Variants in ORC5 observed in about 807,000 individuals in gnomAD.
The protein encoded by ORC5 is protein phosphatase 1, regulatory subunit 117.
A neutral mutation model predicts 58.8 loss-of-function variants in ORC5; 39 were observed. That is an observed-to-expected ratio of 0.66 (90% CI 0.51 to 0.87). The LOEUF (loss-of-function observed/expected upper bound fraction) is 0.87. Ranked by LOEUF, ORC5 falls within the 40% of genes least tolerant of loss-of-function variation. The pLI is 0.00. For synonymous variants in ORC5, 218 were observed against 177.6 expected (o/e 1.23, Z -1.81); for missense variants, 493 against 506.3 (o/e 0.97, Z 0.25).
chr7:104,201,760 A>C (rs1799949684), intron 2 of ORC5, among the ~76,000 whole-genome samples: 1 of 151,510 alleles, frequency 6.6e-6, no homozygotes, highest in East Asian at 1.9e-4. Context: ...AAAGAATTTT[A>C]AGAGTTAGAA....
intron 12 of ORC5, among the ~76,000 whole-genome samples, chr7:104,148,928 G>GT (rs1334908510): frequency 6.6e-6 from 1 of 152,052 alleles, no homozygotes; most frequent in Non-Finnish European, 1.5e-5. Flanking sequence ...CAGCTATTTG[G>GT]GAGGCTGAGG....
chr7:104,168,419 G>C, intron 9 of ORC5, 54 bp downstream of exon 9: 1 of 1,589,846 alleles, frequency 6.3e-7, no homozygotes, highest in Non-Finnish European at 8.6e-7. Flanking sequence ...TTAGTATCTT[G>C]ATAATTAGCT....
chr7:104,164,206 G>T (rs533139371), intron 11 of ORC5, among the ~76,000 whole-genome samples: 40 of 152,114 alleles, frequency 2.6e-4, no homozygotes, highest in Non-Finnish European at 4.9e-4. Flanking sequence ...GATCATTTGA[G>T]ACCAGCCTCG....
intron 4 of ORC5, 27 bp downstream of exon 4, chr7:104,197,698 G>A: frequency 2.7e-6 from 4 of 1,503,024 alleles, no homozygotes; most frequent in Non-Finnish European, 3.7e-6. Flanking sequence ...AAGTTGTGGG[G>A]AGAAAGCACT....
At chr7:104,180,078 T>A (rs1799403322) in intron 8 of ORC5, among the ~76,000 whole-genome samples, 1 of 152,180 alleles carries the variant, frequency 6.6e-6, no homozygotes, top group Admixed American at 6.5e-5. Flanking sequence ...ACCAGAAAAG[T>A]TCCCATGCTG....
At chr7:104,163,118 G>C (rs943174378) in intron 11 of ORC5, among the ~76,000 whole-genome samples, 20 of 152,016 alleles carry the variant, frequency 1.3e-4, no homozygotes, top group African/African-American at 4.8e-4. Flanking sequence ...ATTTCTCCTT[G>C]TGCACATGTG....
intron 3 of ORC5, among the ~76,000 whole-genome samples, chr7:104,199,183 G>GA (rs1461181425): frequency 6.6e-6 from 1 of 151,756 alleles, no homozygotes; most frequent in African/African-American, 2.4e-5. Flanking sequence ...GTCCCCACTG[G>GA]GCACTGCCTA....
At position 104,155,176 on chromosome 7, in the gene ORC5, G is replaced by C. The variant is rs191882681; in HGVS notation, c.1149+5896C>G. Reference sequence around the variant, plus strand: ...TTCATGACCAATAAGTTAAATCGATGTAACAAATAACTCCAAGTGTATCCA... The same window carrying C: ...TTCATGACCAATAAGTTAAATCGATCTAACAAATAACTCCAAGTGTATCCA... On this transcript the variant is annotated intron_variant, in intron 12 of 13. Transcript: ENST00000297431. Among the ~76,000 whole-genome samples the C allele has an allele frequency of 1.2e-3, 179 of 151,840 alleles. 1 individual carries two copies. The highest frequency in any genetic ancestry group is 1.5e-3 in the East Asian group (8 of 5,180).
At chr7:104,158,670 T>C (rs1444557109) in intron 12 of ORC5, among the ~76,000 whole-genome samples, 4 of 151,876 alleles carry the variant, frequency 2.6e-5, no homozygotes, top group African/African-American at 9.7e-5. Flanking sequence ...GGGCGAAGGA[T>C]ATGAACAGAC....
chr7:104,206,627 C>G (rs1800091374), intron 1 of ORC5, among the ~76,000 whole-genome samples: 1 of 152,208 alleles, frequency 6.6e-6, no homozygotes, highest in Non-Finnish European at 1.5e-5. Flanking sequence ...CCCCTTTAGA[C>G]AGAGGGTAGT....
intron 9 of ORC5, among the ~76,000 whole-genome samples, chr7:104,167,409 T>C (rs1201183900): frequency 1.3e-5 from 2 of 152,216 alleles, no homozygotes. Flanking sequence ...TCTGAGCTTA[T>C]GTCAGCACTC....
At chr7:104,150,507 G>A (rs1798826576) in intron 12 of ORC5, among the ~76,000 whole-genome samples, 1 of 150,514 alleles carries the variant, frequency 6.6e-6, no homozygotes, top group East Asian at 1.9e-4. Context: ...TATCATCAAA[G>A]CAGTTCAACT....
Position 104,184,214 on chromosome 7 carries a change from C to T in ORC5, c.685-43G>A, listed in dbSNP as rs200547080. ...AAAAGAGAAGAAAAAAAGCACTGAT[C>T]GATCACAATTAGAAATTTATTTTTC... is the stretch of plus-strand genomic sequence containing the variant. On this transcript the variant is annotated intron_variant, in intron 6 of 13. Transcript: ENST00000297431. 2.6e-4 allele frequency: 312 copies of T among 1,202,456 alleles called. 1 individual carries two copies. The African/African-American group carries it at 4.1e-3, about 16-fold the overall frequency. 74.5% of individuals were successfully genotyped at this position (1,202,456 alleles called of 1,614,324 possible).
intron 6 of ORC5, chr7:104,187,767 A>C (rs1417804642): frequency 1.0e-6 from 1 of 980,036 alleles, no homozygotes; most frequent in Non-Finnish European, 1.2e-6. Flanking sequence ...TTACCAGCTC[A>C]GGGTCAGTGG....
At chr7:104,132,660 C>T (rs1430669052) in intron 13 of ORC5, among the ~76,000 whole-genome samples, 1 of 152,174 alleles carries the variant, frequency 6.6e-6, no homozygotes, top group Non-Finnish European at 1.5e-5. Flanking sequence ...AAGTTTAAAG[C>T]ACTGTGCTAG....
chr7:104,192,629 T>G (rs1297604765), intron 5 of ORC5, among the ~76,000 whole-genome samples: 1 of 151,806 alleles, frequency 6.6e-6, no homozygotes, highest in Non-Finnish European at 1.5e-5. Context: ...TGTCTATAAT[T>G]CTATCAAAAA....
intron 6 of ORC5, 168 bp downstream of exon 6, chr7:104,188,083 G>T (rs1042440579): frequency 6.3e-6 from 6 of 955,410 alleles, no homozygotes; most frequent in Non-Finnish European, 8.4e-6. Context: ...CTTATGGTAT[G>T]TTAGTCTCTA....
At chr7:104,155,214 A>G (rs1227009696) in intron 12 of ORC5, among the ~76,000 whole-genome samples, 1 of 151,790 alleles carries the variant, frequency 6.6e-6, no homozygotes, top group Non-Finnish European at 1.5e-5. Context: ...GTATCATGAC[A>G]TGAGTTCATA....
intron 12 of ORC5, among the ~76,000 whole-genome samples, chr7:104,152,492 C>T (rs187440434): frequency 6.6e-6 from 1 of 152,154 alleles, no homozygotes; most frequent in Non-Finnish European, 1.5e-5. Flanking sequence ...AGATTTTTTT[C>T]TAAATCATTT....
Sources: allele counts gnomAD v4.1 joint callset (sites outside exome capture counted in the v4.1 genomes callset), GRCh38; gene constraint gnomAD v4.1.1; transcripts MANE v1.5; gene names NCBI Gene and HGNC (gene_info 2026-07-23, HGNC 2026-07-21).